The following WDPCP variants were observed in gnomAD, a reference collection of about 807,000 sequenced individuals.
WDPCP encodes WD repeat containing planar cell polarity effector.
Under a neutral mutation model 93.1 loss-of-function variants are expected in WDPCP, and 71 were observed. The observed-to-expected ratio is 0.76, with a 90% CI of 0.63 to 0.93. WDPCP has a LOEUF of 0.93. Among genes scored for constraint, WDPCP ranks in the 40% least tolerant of loss-of-function variants. The pLI is 0.00. For synonymous variants in WDPCP, 315 were observed against 315.0 expected, an observed-to-expected ratio of 1.00 and a Z score of 0.00; for missense variants, 844 against 887.4, an observed-to-expected ratio of 0.95 and a Z score of 0.62.
At chr2:63,367,398 G>A (rs1366621228) in intron 12 of WDPCP, among the ~76,000 whole-genome samples, 2 of 152,032 alleles carry the variant, frequency 1.3e-5, no homozygotes, top group Non-Finnish European at 2.9e-5. Flanking sequence ...TCCTTAAAAT[G>A]TATACACACT....
At position 63,695,242 on chromosome 2, in the gene WDPCP, A is replaced by G. The variant is rs1012537917; in HGVS notation, n.309-44404T>C. 7.9e-5 allele frequency among the ~76,000 whole-genome samples: 12 copies of G among 152,212 alleles called. No individual in the cohort carries two copies. The South Asian group carries it at 1.0e-3, about 13-fold the overall frequency. On this transcript the variant is annotated intron_variant and non_coding_transcript_variant, in intron 2 of 4. Coordinates refer to the WDPCP transcript ENST00000467687. ...TTATTTTCTCATTTCTTTGTCTCCT[A>G]TGCTTTATTTACAGATTTTAGTATT...
At chr2:63,198,436 G>T (rs1036045546) in intron 14 of WDPCP, among the ~76,000 whole-genome samples, 1 of 152,034 alleles carries the variant, frequency 6.6e-6, no homozygotes, top group Non-Finnish European at 1.5e-5. Flanking sequence ...GTGGATGCCA[G>T]GGAAAAACAG....
intron 1 of WDPCP, among the ~76,000 whole-genome samples, chr2:63,538,351 T>C (rs183057657): frequency 9.9e-4 from 150 of 152,244 alleles, no homozygotes; most frequent in Middle Eastern, 3.4e-3. Flanking sequence ...AATATGCTAG[T>C]GTAGAAAAAG....
At chr2:63,360,510 G>T (rs1690368395) in intron 12 of WDPCP, among the ~76,000 whole-genome samples, 1 of 152,052 alleles carries the variant, frequency 6.6e-6, no homozygotes, top group Non-Finnish European at 1.5e-5. Context: ...GTTTAACAGA[G>T]ATTTCTCTTA....
the WDPCP span, among the ~76,000 whole-genome samples, chr2:63,834,147 T>G: frequency 6.6e-6 from 1 of 152,344 alleles, no homozygotes; most frequent in South Asian, 2.1e-4. Context: ...TGACTTTATC[T>G]GGTCTCCATT....
chr2:63,762,549 T>C (rs919818515), intron 2 of WDPCP, among the ~76,000 whole-genome samples: 2 of 152,166 alleles, frequency 1.3e-5, no homozygotes, highest in Non-Finnish European at 2.9e-5. Context: ...TATTAATTTC[T>C]TACAATTCTA....
intron 6 of WDPCP, among the ~76,000 whole-genome samples, chr2:63,467,987 G>A (rs1038818352): frequency 5.3e-5 from 8 of 152,062 alleles, no homozygotes; most frequent in African/African-American, 1.7e-4. Flanking sequence ...TGAGGCTGGC[G>A]GTAAAGTTGA....
intron 14 of WDPCP, among the ~76,000 whole-genome samples, chr2:63,227,470 A>G (rs542207527): frequency 1.3e-5 from 2 of 152,184 alleles, no homozygotes; most frequent in South Asian, 2.1e-4. Flanking sequence ...CAAGACAAAG[A>G]AAACCTTTCT....
chr2:63,840,101 A>G, the WDPCP span, among the ~76,000 whole-genome samples: 1 of 152,218 alleles, frequency 6.6e-6, no homozygotes, highest in African/African-American at 2.4e-5. Context: ...GTACTTGTTT[A>G]TTGAAGGCAC....
At chr2:63,211,835 T>C (rs1676838612) in intron 14 of WDPCP, among the ~76,000 whole-genome samples, 1 of 152,094 alleles carries the variant, frequency 6.6e-6, no homozygotes, top group Non-Finnish European at 1.5e-5. Context: ...CAAGCTTCAG[T>C]AGCCAATTCG....
In WDPCP at chr2:63,318,312, C is replaced by T. The variant is rs554124130; in HGVS notation, c.1749-5001G>A. ...GAGAAAAAAGAACACTTATACACCC[C>T]TACTGGCAATGTAAATTAGTTCAGC... On this transcript the variant is annotated intron_variant, in intron 12 of 17. Transcript: ENST00000272321. 1.4e-3 allele frequency among the ~76,000 whole-genome samples: 218 copies of T among 152,232 alleles called. 1 individual carries two copies. Among genetic ancestry groups the T allele is most frequent in the African/African-American group, 4.9e-3 (202 of 41,540 alleles).
At chr2:63,737,194 T>C (rs1258430029) in intron 2 of WDPCP, among the ~76,000 whole-genome samples, 1 of 152,154 alleles carries the variant, frequency 6.6e-6, no homozygotes, top group Non-Finnish European at 1.5e-5. Flanking sequence ...CCAAAAGCAC[T>C]ACCACCACTG....
chr2:63,215,527 TC>T (rs1480963161), intron 14 of WDPCP, among the ~76,000 whole-genome samples: 2 of 152,190 alleles, frequency 1.3e-5, no homozygotes, highest in Admixed American at 6.5e-5. Context: ...TGAAACTGGA[TC>T]CCTTCCTTAC....
At chr2:63,196,971 A>G (rs1675484798) in intron 14 of WDPCP, among the ~76,000 whole-genome samples, 1 of 152,240 alleles carries the variant, frequency 6.6e-6, no homozygotes, top group Non-Finnish European at 1.5e-5. Flanking sequence ...AAACTAAAGC[A>G]AACAATGGAA....
At chr2:63,605,993 G>A (rs372445349) in intron 3 of WDPCP, 13 of 1,614,142 alleles carry the variant, frequency 8.1e-6, no homozygotes, top group Non-Finnish European at 1.0e-5. Context: ...TGGTGTTCCT[G>A]ATGATCTGCT....
intron 2 of WDPCP, among the ~76,000 whole-genome samples, chr2:63,740,756 T>G (rs1210616569): frequency 6.6e-6 from 1 of 152,120 alleles, no homozygotes; most frequent in Non-Finnish European, 1.5e-5. Context: ...CATAATACAT[T>G]AAGAAGTTTA....
intron 14 of WDPCP, among the ~76,000 whole-genome samples, chr2:63,230,290 A>G (rs1678737504): frequency 6.6e-6 from 1 of 152,040 alleles, no homozygotes; most frequent in Non-Finnish European, 1.5e-5. Context: ...GCTGCATAGT[A>G]TTCCATGGTG....
chr2:63,657,070 A>T (rs1710175508), intron 2 of WDPCP, among the ~76,000 whole-genome samples: 2 of 152,086 alleles, frequency 1.3e-5, no homozygotes, highest in Non-Finnish European at 2.9e-5. Flanking sequence ...GAGTGCTAAG[A>T]GCTGAAGCTG....
intron 2 of WDPCP, among the ~76,000 whole-genome samples, chr2:63,688,772 A>G (rs1270138319): frequency 6.6e-6 from 1 of 152,140 alleles, no homozygotes; most frequent in African/African-American, 2.4e-5. Context: ...TGTACTCACA[A>G]AAATTAAAAA....
Sources: allele counts gnomAD v4.1 joint callset (sites outside exome capture counted in the v4.1 genomes callset), GRCh38; gene constraint gnomAD v4.1.1; transcripts MANE v1.5; gene names NCBI Gene and HGNC (gene_info 2026-07-23, HGNC 2026-07-21).